Variants in SLC35F1 observed in about 807,000 individuals in gnomAD.
SLC35F1 encodes the protein chromosome 6 open reading frame 169.
Under a neutral mutation model 48.7 loss-of-function variants are expected in SLC35F1, and 14 were observed. The ratio of observed to expected loss-of-function variants is 0.29; its 90% CI spans 0.19 to 0.45. SLC35F1 has a LOEUF of 0.45. Among genes scored for constraint, SLC35F1 ranks in the 20% least tolerant of loss-of-function variants. The pLI, the probability that SLC35F1 is intolerant of heterozygous loss-of-function variation, is 1.00. For missense variants in SLC35F1, 404 were observed against 500.0 expected (o/e 0.81, Z 1.83); for synonymous variants, 190 against 202.2 (o/e 0.94, Z 0.51).
chr6:118,102,324 C>T (rs1377322761), intron 1 of SLC35F1, among the ~76,000 whole-genome samples: 1 of 152,128 alleles, frequency 6.6e-6, no homozygotes, highest in Non-Finnish European at 1.5e-5. Flanking sequence ...GCTGGGACTA[C>T]AAGCATGCAC....
chr6:117,933,440 T>C (rs114832019), intron 1 of SLC35F1, among the ~76,000 whole-genome samples: 175 of 152,334 alleles, frequency 1.1e-3, no homozygotes, highest in African/African-American at 4.0e-3. Context: ...ACAATATTTC[T>C]GAGTAAACAT....
At chr6:118,112,973 C>T (rs547303319) in intron 1 of SLC35F1, among the ~76,000 whole-genome samples, 2 of 152,238 alleles carry the variant, frequency 1.3e-5, no homozygotes, top group African/African-American at 4.8e-5. Flanking sequence ...AAGAAACCTA[C>T]TTTAATTTTA....
chr6:118,066,140 A>G (rs1350689452), intron 1 of SLC35F1, among the ~76,000 whole-genome samples: 2 of 152,200 alleles, frequency 1.3e-5, no homozygotes, highest in Non-Finnish European at 2.9e-5. Flanking sequence ...CATTGCAAAT[A>G]ATACATATTA....
intron 1 of SLC35F1, among the ~76,000 whole-genome samples, chr6:118,104,249 T>C (rs2114370569): frequency 6.6e-6 from 1 of 152,260 alleles, no homozygotes; most frequent in South Asian, 2.1e-4. Context: ...GATTAAATTG[T>C]GTTTCCAGCA....
At chr6:118,001,544 G>C (rs2114867762) in intron 1 of SLC35F1, among the ~76,000 whole-genome samples, 1 of 152,146 alleles carries the variant, frequency 6.6e-6, no homozygotes, top group East Asian at 1.9e-4. Flanking sequence ...GCATGGGCAA[G>C]GACTTCATGT....
At chr6:118,074,488 T>C (rs920753158) in intron 1 of SLC35F1, among the ~76,000 whole-genome samples, 2 of 152,128 alleles carry the variant, frequency 1.3e-5, no homozygotes, top group Admixed American at 1.3e-4. Context: ...ATCATAAGCT[T>C]GACTTACCTG....
intron 7 of SLC35F1, among the ~76,000 whole-genome samples, chr6:118,293,179 G>A (rs1451481699): frequency 2.0e-5 from 3 of 152,166 alleles, no homozygotes; most frequent in African/African-American, 4.8e-5. Flanking sequence ...TATTGCTGCT[G>A]TAACAAATTA....
At position 118,246,109 on chromosome 6, in the gene SLC35F1, C is replaced by A. The variant is rs566542670; in HGVS notation, c.477+10473C>A. Among the ~76,000 whole-genome samples, 10 of 152,256 alleles carry A rather than the reference C, an allele frequency of 6.6e-5. No homozygotes were observed. The East Asian group carries it at 1.4e-3, about 21-fold the overall frequency. On this transcript the variant is annotated intron_variant, in intron 3 of 7. Transcript: ENST00000360388. ...TTCAGCCTCTAGAGAGAAGAGGCAACCTTTCACATTCTGGAAGAAACTCTG... is the reference window on the plus strand; with the variant it reads ...TTCAGCCTCTAGAGAGAAGAGGCAAACTTTCACATTCTGGAAGAAACTCTG...
At chr6:118,116,066 C>A (rs1388934695) in intron 1 of SLC35F1, among the ~76,000 whole-genome samples, 1 of 152,138 alleles carries the variant, frequency 6.6e-6, no homozygotes, top group Non-Finnish European at 1.5e-5. Flanking sequence ...ATATGAGAGA[C>A]AAACTTGGTG....
At chr6:117,966,371 T>C (rs1456862114) in intron 1 of SLC35F1, among the ~76,000 whole-genome samples, 1 of 148,878 alleles carries the variant, frequency 6.7e-6, no homozygotes, top group African/African-American at 2.5e-5. Flanking sequence ...GGCACTGCCT[T>C]TAAGAGCTGT....
intron 2 of SLC35F1, among the ~76,000 whole-genome samples, chr6:118,221,193 G>A (rs1007461840): frequency 6.6e-6 from 1 of 152,042 alleles, no homozygotes; most frequent in African/African-American, 2.4e-5. Context: ...TTCCATACTG[G>A]GTACAGATAC....
chr6:118,247,684 T>C (rs1185935296), intron 3 of SLC35F1, among the ~76,000 whole-genome samples: 1 of 147,616 alleles, frequency 6.8e-6, no homozygotes, highest in Non-Finnish European at 1.5e-5. Context: ...ACTTCTGTAG[T>C]CCAGTATTAC....
At chr6:118,224,859 C>T (rs747350615) in intron 2 of SLC35F1, among the ~76,000 whole-genome samples, 2 of 152,112 alleles carry the variant, frequency 1.3e-5, no homozygotes, top group African/African-American at 4.8e-5. Context: ...GTGTACAAGG[C>T]TAATTTGACT....
At chr6:117,990,851 T>C (rs775039400) in intron 1 of SLC35F1, among the ~76,000 whole-genome samples, 4 of 152,170 alleles carry the variant, frequency 2.6e-5, no homozygotes, top group Non-Finnish European at 4.4e-5. Flanking sequence ...TTAGCTGCAG[T>C]TGGAGTGTTG....
chr6:117,937,807 A>C lies in SLC35F1; in HGVS notation c.173+29908A>C, dbSNP rs1348301486. ...CTGTTCGAACTCAGAATGAACTCAA[A>C]TTTAGGATAATTCCCTGCGAATTTC... On this transcript the variant is annotated intron_variant, in intron 1 of 7. Coordinates refer to ENST00000360388, the MANE Select transcript of SLC35F1 (RefSeq NM_001029858.4). Among the ~76,000 whole-genome samples the C allele has an allele frequency of 2.6e-5, 4 of 152,214 alleles. No individual in the cohort carries two copies. In the East Asian group the frequency reaches 7.7e-4, roughly 29 times the overall value.
intron 1 of SLC35F1, among the ~76,000 whole-genome samples, chr6:117,971,063 C>T (rs1006529170): frequency 1.9e-4 from 29 of 152,132 alleles, no homozygotes; most frequent in Admixed American, 3.9e-4. Flanking sequence ...AAGGCAAGTA[C>T]CCTCCACCTA....
chr6:118,029,193 C>T, intron 1 of SLC35F1, among the ~76,000 whole-genome samples: 1 of 151,916 alleles, frequency 6.6e-6, no homozygotes, highest in East Asian at 1.9e-4. Context: ...AATAAACATA[C>T]AGAAAAAGCA....
At chr6:118,188,212 A>G (rs544081159) in intron 2 of SLC35F1, among the ~76,000 whole-genome samples, 1 of 152,310 alleles carries the variant, frequency 6.6e-6, no homozygotes, top group African/African-American at 2.4e-5. Flanking sequence ...TTGTCTTTCA[A>G]GTTGTCTTCA....
At chr6:118,123,147 A>G (rs928412949) in intron 1 of SLC35F1, among the ~76,000 whole-genome samples, 3 of 152,092 alleles carry the variant, frequency 2.0e-5, no homozygotes, top group South Asian at 2.1e-4. Flanking sequence ...TTTATGTTGT[A>G]TAATAAATAC....
Sources: allele counts gnomAD v4.1 joint callset (sites outside exome capture counted in the v4.1 genomes callset), GRCh38; gene constraint gnomAD v4.1.1; transcripts MANE v1.5; gene names NCBI Gene and HGNC (gene_info 2026-07-23, HGNC 2026-07-21).